Variants in TAF3 observed in about 807,000 individuals in gnomAD.
TAF3 encodes the protein TATA-box binding protein associated factor 3, also known as transcription initiation factor TFIID subunit 3.
In TAF3, 7 loss-of-function variants were observed where a neutral mutation model predicts 80.6. The observed-to-expected ratio is 0.09, with a 90% CI of 0.05 to 0.16. TAF3 has a LOEUF of 0.16. Ranked by LOEUF, TAF3 falls within the 10% of genes least tolerant of loss-of-function variation. TAF3 has a pLI of 1.00. For missense variants in TAF3, 921 were observed against 1,140.2 expected, an observed-to-expected ratio of 0.81 and a Z score of 2.77; for synonymous variants, 444 against 446.1, an observed-to-expected ratio of 1.00 and a Z score of 0.06.
chr10:7,901,160 T>A (rs151239622), intron 2 of TAF3, among the ~76,000 whole-genome samples: 76 of 152,368 alleles, frequency 5.0e-4, no homozygotes, highest in African/African-American at 1.8e-3. Context: ...AATGATTTTA[T>A]TAAAGCTATT....
intron 4 of TAF3, among the ~76,000 whole-genome samples, chr10:7,987,952 G>A (rs1351932463): frequency 6.6e-6 from 1 of 152,148 alleles, no homozygotes; most frequent in Non-Finnish European, 1.5e-5. Context: ...CACTACTCAT[G>A]TGAACATAAT....
rs926828202 is a variant in TAF3 at position 7,860,811 on chromosome 10, T to G, written c.409+36251T>G. Among the ~76,000 whole-genome samples the G allele has an allele frequency of 1.3e-3, 190 of 151,822 alleles. 2 individuals are homozygous for G. Among genetic ancestry groups the G allele is most frequent in the Non-Finnish European group, 1.4e-3 (98 of 67,934 alleles). On this transcript the variant is annotated intron_variant, in intron 2 of 6. Transcript: ENST00000344293. ...TTCTTTCTTTCTTTCTTTCTTTTTT[T>G]TTTTTTGAAATAGAGTCTCGCTCTG...
chr10:7,869,312 G>GCA (rs1837244099), intron 2 of TAF3, among the ~76,000 whole-genome samples: 1 of 150,852 alleles, frequency 6.6e-6, no homozygotes, highest in Admixed American at 6.6e-5. Context: ...GTGTAGAGAC[G>GCA]CACACACACA....
intron 5 of TAF3, among the ~76,000 whole-genome samples, chr10:8,011,222 A>G (rs1477765445): frequency 6.6e-6 from 1 of 152,100 alleles, no homozygotes; most frequent in Admixed American, 6.6e-5. Context: ...ATTTGTTGTT[A>G]TAAACTGTAC....
At chr10:7,941,101 CAT>C (rs1395268429) in intron 2 of TAF3, among the ~76,000 whole-genome samples, 1 of 151,914 alleles carries the variant, frequency 6.6e-6, no homozygotes, top group Non-Finnish European at 1.5e-5. Flanking sequence ...AGGTTGGAAA[CAT>C]AGAGAGCCAC....
At chr10:7,904,336 C>A (rs1421540807) in intron 2 of TAF3, among the ~76,000 whole-genome samples, 1 of 152,132 alleles carries the variant, frequency 6.6e-6, no homozygotes. Context: ...TCTATTTATG[C>A]TTTGTAGCCC....
chr10:7,926,821 T>G (rs545104151), intron 2 of TAF3, among the ~76,000 whole-genome samples: 1 of 152,362 alleles, frequency 6.6e-6, no homozygotes, highest in Non-Finnish European at 1.5e-5. Context: ...TTTTAAACTT[T>G]GCTGCTATTT....
At chr10:8,012,108 G>C (rs1417125980) in intron 5 of TAF3, among the ~76,000 whole-genome samples, 2 of 152,098 alleles carry the variant, frequency 1.3e-5, no homozygotes, top group Non-Finnish European at 2.9e-5. Context: ...GCCTACCGAG[G>C]TCAAGGCTAC....
chr10:7,849,547 A>G (rs934307946), intron 2 of TAF3, among the ~76,000 whole-genome samples: 3 of 152,236 alleles, frequency 2.0e-5, no homozygotes, highest in Non-Finnish European at 2.9e-5. Context: ...TTAAATGTGC[A>G]TAATAGTTGT....
intron 3 of TAF3, among the ~76,000 whole-genome samples, chr10:7,972,845 G>C (rs1358283463): frequency 1.3e-5 from 2 of 152,186 alleles, no homozygotes; most frequent in African/African-American, 2.4e-5. Context: ...ATATAAACTA[G>C]TTAGCCTCCC....
chr10:8,010,393 A>C (rs1322712944), intron 5 of TAF3, among the ~76,000 whole-genome samples: 9 of 152,270 alleles, frequency 5.9e-5, no homozygotes, highest in Admixed American at 4.6e-4. Flanking sequence ...GCATGGTGGT[A>C]CTGAAATCTC....
intron 2 of TAF3, among the ~76,000 whole-genome samples, chr10:7,840,313 T>C (rs1177373296): frequency 6.6e-6 from 1 of 152,066 alleles, no homozygotes; most frequent in African/African-American, 2.4e-5. Context: ...CCACCACGCC[T>C]GGCTAATTGT....
At chr10:8,010,650 TAA>T (rs1466854581) in intron 5 of TAF3, among the ~76,000 whole-genome samples, 1 of 152,252 alleles carries the variant, frequency 6.6e-6, no homozygotes, top group Non-Finnish European at 1.5e-5. Flanking sequence ...CTTACGCCTG[TAA>T]TCCCAGCACT....
chr10:7,964,453 TCCAAGAGCCCCAAGAGTC>T lies in TAF3; in HGVS notation c.958_975del (p.Ser320_Lys325del), dbSNP rs765063709. On this transcript the variant is annotated inframe_deletion, in exon 3 of 7. Coordinates refer to ENST00000344293, the MANE Select transcript of TAF3 (RefSeq NM_031923.4). This position sits in a 1 kb window ranked among gnomAD's most constrained non-coding sequence, Gnocchi z 4.1. ...CAAAGAAAAGAAATCACCTGGACGT[TCCAAGAGCCCCAAGAGTC>T]CCAAGAGCCCCAAGGTCACGACTCA... 7 of 1,613,830 alleles carry T rather than the reference TCCAAGAGCCCCAAGAGTC, an allele frequency of 4.3e-6. No individual in the cohort carries two copies. The highest frequency in any genetic ancestry group is 2.2e-5 in the East Asian group (1 of 44,868).
At position 8,009,106 on chromosome 10, in the gene TAF3, G is replaced by A. The variant is rs746085657; in HGVS notation, c.2344G>A (p.Glu782Lys). 2 of 1,601,632 alleles carry A rather than the reference G, an allele frequency of 1.2e-6. No individual in the cohort carries two copies. Among genetic ancestry groups the A allele is most frequent in the South Asian group, 1.1e-5 (1 of 91,026 alleles). Residue 782 changes from glutamate to lysine, a missense_variant, in exon 5 of 7, where the codon GAG (glutamate) becomes AAG (lysine). Coordinates refer to ENST00000344293, the MANE Select transcript of TAF3 (RefSeq NM_031923.4). This position sits in a 1 kb window ranked among gnomAD's most constrained non-coding sequence, Gnocchi z 4.1. The stretch of plus-strand genomic sequence containing the variant: ...CATCAGCAAGGTGGTCCCTGCCCCC[G>A]AGGCCAAGCCGGCGCCCTCGCAGAA... ...IVISKVVPAP[E>K]AKPAPSQNRP... is the part of the protein sequence containing the mutation.
At chr10:7,973,589 G>A (rs930555278) in intron 3 of TAF3, among the ~76,000 whole-genome samples, 2 of 152,188 alleles carry the variant, frequency 1.3e-5, no homozygotes, top group South Asian at 2.1e-4. Flanking sequence ...CAGTTTACCT[G>A]TAAAATGAAA....
chr10:8,003,428 A>T (rs1272967336), intron 4 of TAF3, among the ~76,000 whole-genome samples: 2 of 152,206 alleles, frequency 1.3e-5, no homozygotes. Context: ...GTAATGAATT[A>T]TGTAAACACT....
intron 2 of TAF3, among the ~76,000 whole-genome samples, chr10:7,959,791 A>C (rs1838171786): frequency 6.6e-6 from 1 of 152,240 alleles, no homozygotes; most frequent in African/African-American, 2.4e-5. Context: ...AGAATTGCAC[A>C]TTAGTAAAAT....
chr10:7,873,622 C>A (rs886576093), intron 2 of TAF3, among the ~76,000 whole-genome samples: 3 of 130,738 alleles, frequency 2.3e-5, no homozygotes, highest in Admixed American at 2.2e-4. Flanking sequence ...AGTTCTCCCC[C>A]CCCCCCCGTC....
Sources: gnomAD v4.1 joint callset for allele counts (sites outside exome capture counted in the v4.1 genomes callset) on GRCh38, gnomAD v4.1.1 for gene constraint, Gnocchi (gnomAD v3.1) non-coding constraint, MANE v1.5 for transcripts, NCBI Gene and HGNC (gene_info 2026-07-23, HGNC 2026-07-21) for gene names.